KHDRBS2: variants seen among roughly 807,000 people sequenced by gnomAD.
KHDRBS2 encodes KH RNA binding domain containing, signal transduction associated 2.
Under a neutral mutation model 44.3 loss-of-function variants are expected in KHDRBS2, and 26 were observed. That is an observed-to-expected ratio of 0.59 (90% CI 0.43 to 0.81). KHDRBS2 has a LOEUF of 0.81. Ranked by LOEUF, KHDRBS2 falls within the 40% of genes least tolerant of loss-of-function variation. The pLI is 0.00. For missense variants in KHDRBS2, 476 were observed against 433.1 expected (o/e 1.10, Z -0.88); for synonymous variants, 194 against 151.1 (o/e 1.28, Z -2.08).
At chr6:62,119,293 C>T (rs1807043877) in intron 2 of KHDRBS2, among the ~76,000 whole-genome samples, 1 of 152,112 alleles carries the variant, frequency 6.6e-6, no homozygotes, top group Non-Finnish European at 1.5e-5. Context: ...ATACATAATA[C>T]CTTCAACCAT....
intron 4 of KHDRBS2, among the ~76,000 whole-genome samples, chr6:61,970,951 T>G (rs943121798): frequency 6.6e-6 from 1 of 152,110 alleles, no homozygotes; most frequent in Non-Finnish European, 1.5e-5. Flanking sequence ...AATTATAAAT[T>G]GGAAATAAGT....
intron 2 of KHDRBS2, among the ~76,000 whole-genome samples, chr6:62,154,765 C>T (rs934809799): frequency 9.2e-5 from 14 of 152,274 alleles, no homozygotes; most frequent in South Asian, 4.1e-4. Context: ...AATACTACCA[C>T]GTAGCTTTAT....
At chr6:61,574,417 A>T in the KHDRBS2 span, 16 of 1,516,662 alleles carry the variant, frequency 1.1e-5, no homozygotes, top group Non-Finnish European at 1.2e-5. Flanking sequence ...ACAAGACGAG[A>T]AGACCATATG....
chr6:61,569,143 C>A, the KHDRBS2 span, among the ~76,000 whole-genome samples: 1 of 152,052 alleles, frequency 6.6e-6, no homozygotes, highest in Admixed American at 6.6e-5. Context: ...TCCCTCACTT[C>A]CCTGGCACAG....
chr6:61,915,657 G>T (rs761516363), intron 4 of KHDRBS2, among the ~76,000 whole-genome samples: 5 of 151,988 alleles, frequency 3.3e-5, no homozygotes, highest in Non-Finnish European at 7.4e-5. Flanking sequence ...TGCAAAGTCA[G>T]TGAGGGAAAC....
intron 1 of KHDRBS2, among the ~76,000 whole-genome samples, chr6:62,191,025 C>G (rs1055431476): frequency 6.6e-6 from 1 of 152,112 alleles, no homozygotes; most frequent in Non-Finnish European, 1.5e-5. Context: ...TCCAAGCTGT[C>G]TTTCTAAAAC....
At chr6:62,066,089 A>G (rs1459819032) in intron 2 of KHDRBS2, among the ~76,000 whole-genome samples, 1 of 151,742 alleles carries the variant, frequency 6.6e-6, no homozygotes, top group African/African-American at 2.4e-5. Context: ...TTAGGGGTAC[A>G]TTCTTCAAGC....
chr6:61,916,913 A>T (rs1029632155), intron 4 of KHDRBS2, among the ~76,000 whole-genome samples: 4 of 151,758 alleles, frequency 2.6e-5, no homozygotes, highest in African/African-American at 9.7e-5. Context: ...GAAAATCCAG[A>T]ACACTGACAC....
At chr6:62,268,900 T>G (rs1376852002) in intron 1 of KHDRBS2, among the ~76,000 whole-genome samples, 1 of 152,054 alleles carries the variant, frequency 6.6e-6, no homozygotes, top group Non-Finnish European at 1.5e-5. Flanking sequence ...AATTCATATA[T>G]TCATAAAACA....
At chr6:62,118,831 G>A (rs749729351) in intron 2 of KHDRBS2, among the ~76,000 whole-genome samples, 25 of 152,274 alleles carry the variant, frequency 1.6e-4, no homozygotes, top group Middle Eastern at 3.4e-3. Context: ...ATTTTCCAGG[G>A]GCTATGAGGC....
At chr6:62,096,985 T>C (rs1800749029) in intron 2 of KHDRBS2, among the ~76,000 whole-genome samples, 1 of 151,946 alleles carries the variant, frequency 6.6e-6, no homozygotes, top group Admixed American at 6.6e-5. Flanking sequence ...AATTTCTTCA[T>C]TTACCTATTG....
At chr6:61,998,190 A>T (rs977018718) in intron 3 of KHDRBS2, among the ~76,000 whole-genome samples, 18 of 152,322 alleles carry the variant, frequency 1.2e-4, no homozygotes, top group African/African-American at 4.3e-4. Context: ...GAGTAGTCTC[A>T]AAAGCCATGA....
chr6:62,150,374 T>A lies in KHDRBS2; in HGVS notation c.219+26811A>T, dbSNP rs140739192. ...CCATGTTCAAAAGATGTGTTAAGTG[T>A]TTGACATATACTATCTAATTTAATT... is the stretch of plus-strand genomic sequence containing the variant. On this transcript the variant is annotated intron_variant, in intron 2 of 8. Coordinates refer to ENST00000281156, the MANE Select transcript of KHDRBS2 (RefSeq NM_152688.4). Among the ~76,000 whole-genome samples the A allele has an allele frequency of 1.1e-4, 17 of 152,234 alleles. No individual in the cohort carries two copies. In the East Asian group the frequency reaches 2.5e-3, roughly 22 times the overall value.
At chr6:61,831,619 T>C (rs1791831319) in intron 6 of KHDRBS2, among the ~76,000 whole-genome samples, 1 of 152,236 alleles carries the variant, frequency 6.6e-6, no homozygotes, top group Admixed American at 6.5e-5. Context: ...GATGTCTGTA[T>C]CTTTATGAAT....
At chr6:62,071,340 T>A (rs1454714255) in intron 2 of KHDRBS2, among the ~76,000 whole-genome samples, 1 of 152,176 alleles carries the variant, frequency 6.6e-6, no homozygotes, top group Non-Finnish European at 1.5e-5. Flanking sequence ...AGCTCTTGAG[T>A]TTAATTAGAT....
intron 1 of KHDRBS2, among the ~76,000 whole-genome samples, chr6:62,197,883 CTG>C (rs766606213): frequency 6.6e-6 from 1 of 152,164 alleles, no homozygotes; most frequent in East Asian, 1.9e-4. Flanking sequence ...TTATAACAAA[CTG>C]TCTCTCAGAC....
chr6:61,885,095 C>A (rs1246315937), intron 6 of KHDRBS2, among the ~76,000 whole-genome samples: 1 of 151,954 alleles, frequency 6.6e-6, no homozygotes, highest in Non-Finnish European at 1.5e-5. Context: ...ATCTAGAAAA[C>A]AATATAGAAT....
intron 6 of KHDRBS2, among the ~76,000 whole-genome samples, chr6:61,801,593 G>A (rs1786287113): frequency 6.6e-6 from 1 of 152,112 alleles, no homozygotes; most frequent in African/African-American, 2.4e-5. Context: ...AGCCAAAGCA[G>A]ACTGAAGGTG....
intron 6 of KHDRBS2, among the ~76,000 whole-genome samples, chr6:61,790,638 C>T (rs1162037857): frequency 1.3e-5 from 2 of 151,504 alleles, no homozygotes; most frequent in East Asian, 3.9e-4. Context: ...CTAACTTTTA[C>T]ATGATATATT....
Sources: allele counts gnomAD v4.1 joint callset (sites outside exome capture counted in the v4.1 genomes callset), GRCh38; gene constraint gnomAD v4.1.1; transcripts MANE v1.5; gene names NCBI Gene and HGNC (gene_info 2026-07-23, HGNC 2026-07-21).